The following LINGO2 variants were observed in gnomAD, a reference collection of about 807,000 sequenced individuals.
LINGO2 encodes the protein leucine-rich repeat and immunoglobulin-like domain-containing nogo receptor-interacting protein 2.
A neutral mutation model predicts 30.6 loss-of-function variants in LINGO2; 14 were observed. That is an observed-to-expected ratio of 0.46 (90% CI 0.30 to 0.72). The LOEUF (loss-of-function observed/expected upper bound fraction) is 0.72, where lower values mean the gene tolerates loss of function less well. Ranked by LOEUF, LINGO2 falls within the 30% of genes least tolerant of loss-of-function variation. The pLI is 0.07. For missense variants in LINGO2, 729 were observed against 751.7 expected, an observed-to-expected ratio of 0.97 and a Z score of 0.35; for synonymous variants, 317 against 288.5, an observed-to-expected ratio of 1.10 and a Z score of -1.00.
At chr9:29,045,392 C>A in the LINGO2 span, among the ~76,000 whole-genome samples, 1 of 151,868 alleles carries the variant, frequency 6.6e-6, no homozygotes, top group East Asian at 1.9e-4. Context: ...TAAAGAAGAT[C>A]TCTATGAATT....
At chr9:28,439,538 T>C (rs1310000630) in intron 2 of LINGO2, among the ~76,000 whole-genome samples, 1 of 152,120 alleles carries the variant, frequency 6.6e-6, no homozygotes, top group Non-Finnish European at 1.5e-5. Context: ...AGGGGCAGAC[T>C]TCCTCCTTGC....
At chr9:29,075,680 G>C in the LINGO2 span, among the ~76,000 whole-genome samples, 3 of 152,120 alleles carry the variant, frequency 2.0e-5, no homozygotes. Context: ...GGTGTTTTAA[G>C]AGGAAAAGAG....
chr9:28,664,081 G>C (rs1271866297), intron 1 of LINGO2, among the ~76,000 whole-genome samples: 1 of 152,134 alleles, frequency 6.6e-6, no homozygotes. Flanking sequence ...ATTGTGTCCT[G>C]CTTTATTCTT....
the LINGO2 span, among the ~76,000 whole-genome samples, chr9:29,122,554 A>C: frequency 1.3e-5 from 2 of 151,974 alleles, no homozygotes; most frequent in Non-Finnish European, 2.9e-5. Context: ...TGTTTTTCTA[A>C]GCATTTACTA....
intron 1 of LINGO2, among the ~76,000 whole-genome samples, chr9:28,490,094 G>A (rs1386778103): frequency 6.6e-6 from 1 of 151,990 alleles, no homozygotes; most frequent in Non-Finnish European, 1.5e-5. Flanking sequence ...AAAGTCCCAG[G>A]TTAGTAAAAA....
intron 1 of LINGO2, among the ~76,000 whole-genome samples, chr9:28,510,804 T>C (rs1239250849): frequency 2.0e-5 from 3 of 152,040 alleles, no homozygotes; most frequent in African/African-American, 7.2e-5. Flanking sequence ...TTTGGGAGTT[T>C]ATTAAGTATT....
chr9:28,359,120 C>G (rs572364331), intron 3 of LINGO2, among the ~76,000 whole-genome samples: 75 of 152,206 alleles, frequency 4.9e-4, no homozygotes, highest in Non-Finnish European at 9.6e-4. Context: ...ACAAAAGAAT[C>G]GACTGCAAAG....
At chr9:28,257,266 T>G (rs1463880962) in intron 4 of LINGO2, among the ~76,000 whole-genome samples, 1 of 151,782 alleles carries the variant, frequency 6.6e-6, no homozygotes. Flanking sequence ...GTAGATTTAG[T>G]ATAAAACATG....
intron 2 of LINGO2, among the ~76,000 whole-genome samples, chr9:28,381,220 AAAAC>A (rs554275255): frequency 3.0e-4 from 46 of 152,202 alleles, no homozygotes; most frequent in African/African-American, 8.9e-4. Flanking sequence ...CAAAAAAACA[AAAAC>A]AAACAAACAA....
At chr9:28,320,545 A>G (rs542222867) in intron 3 of LINGO2, among the ~76,000 whole-genome samples, 1 of 152,312 alleles carries the variant, frequency 6.6e-6, no homozygotes, top group South Asian at 2.1e-4. Context: ...TGAATTGGTC[A>G]AACAAACAGG....
the LINGO2 span, among the ~76,000 whole-genome samples, chr9:28,755,853 C>T: frequency 6.6e-6 from 1 of 152,190 alleles, no homozygotes; most frequent in East Asian, 1.9e-4. Flanking sequence ...ATCATTTGCA[C>T]TGGTGGAGAT....
the LINGO2 span, among the ~76,000 whole-genome samples, chr9:29,060,823 A>G: frequency 6.6e-6 from 1 of 151,956 alleles, no homozygotes; most frequent in Non-Finnish European, 1.5e-5. Flanking sequence ...AAAGAAATCA[A>G]CTGTAATTAC....
At chr9:29,058,273 T>C in the LINGO2 span, among the ~76,000 whole-genome samples, 585 of 152,184 alleles carry the variant, frequency 3.8e-3, 2 homozygotes, top group African/African-American at 0.014. Context: ...AAAAATTGAA[T>C]GTTGAGAACT....
At chr9:28,731,883 A>G in the LINGO2 span, among the ~76,000 whole-genome samples, 1 of 152,166 alleles carries the variant, frequency 6.6e-6, no homozygotes, top group Non-Finnish European at 1.5e-5. Flanking sequence ...ACTATTTCTT[A>G]TAATTGTATA....
At chr9:28,887,202 A>G in the LINGO2 span, among the ~76,000 whole-genome samples, 1 of 152,130 alleles carries the variant, frequency 6.6e-6, no homozygotes, top group Non-Finnish European at 1.5e-5. Flanking sequence ...TGCTCAATAG[A>G]GATGTCTGCT....
chr9:27,952,080 G>T (rs1370453118), intron 5 of LINGO2, among the ~76,000 whole-genome samples: 4 of 152,048 alleles, frequency 2.6e-5, no homozygotes, highest in African/African-American at 9.6e-5. Context: ...ATTATTCACA[G>T]ATCAAATTAA....
intron 1 of LINGO2, among the ~76,000 whole-genome samples, chr9:28,492,687 A>G (rs1053390316): frequency 1.3e-5 from 2 of 152,168 alleles, no homozygotes; most frequent in African/African-American, 4.8e-5. Flanking sequence ...AGAGATCCCT[A>G]AACATAAATG....
At chr9:29,050,038 T>G in the LINGO2 span, among the ~76,000 whole-genome samples, 1 of 152,264 alleles carries the variant, frequency 6.6e-6, no homozygotes. Context: ...ATTACATTTT[T>G]TTTTTTTGAG....
intron 1 of LINGO2, among the ~76,000 whole-genome samples, chr9:28,574,240 A>G (rs1444519240): frequency 6.6e-6 from 1 of 152,182 alleles, no homozygotes; most frequent in East Asian, 1.9e-4. Context: ...CCTACTCCCC[A>G]AAATTGTGTG....
Sources: gnomAD v4.1 joint callset for allele counts (sites outside exome capture counted in the v4.1 genomes callset) on GRCh38, gnomAD v4.1.1 for gene constraint, MANE v1.5 for transcripts, NCBI Gene and HGNC (gene_info 2026-07-23, HGNC 2026-07-21) for gene names.